The following NTNG1 variants were observed in gnomAD, a reference collection of about 807,000 sequenced individuals.
NTNG1 encodes netrin G1, also known as netrin-G1.
Under a neutral mutation model 54.0 loss-of-function variants are expected in NTNG1, and 16 were observed. The ratio of observed to expected loss-of-function variants is 0.30; its 90% CI spans 0.20 to 0.45. The LOEUF (loss-of-function observed/expected upper bound fraction) is 0.45. NTNG1 is among the 20% of genes least tolerant of loss of function. The pLI is 1.00. For missense variants in NTNG1, 530 were observed against 678.7 expected (o/e 0.78, Z 2.43); for synonymous variants, 255 against 263.1 (o/e 0.97, Z 0.30).
intron 2 of NTNG1, among the ~76,000 whole-genome samples, chr1:107,256,358 G>C (rs1662933621): frequency 6.6e-6 from 1 of 152,184 alleles, no homozygotes; most frequent in Non-Finnish European, 1.5e-5. Flanking sequence ...CATTCATTCA[G>C]TCAGTCCATC....
intron 2 of NTNG1, among the ~76,000 whole-genome samples, chr1:107,236,068 G>GCA (rs762440396): frequency 2.6e-5 from 4 of 151,994 alleles, no homozygotes; most frequent in Non-Finnish European, 4.4e-5. Flanking sequence ...ACACATGTGT[G>GCA]CACACACACA....
chr1:107,333,821 T>C (rs571631668), intron 3 of NTNG1: 13 of 77,334 alleles, frequency 1.7e-4, no homozygotes, highest in Non-Finnish European at 2.3e-4. Context: ...GAGTATCTCT[T>C]TTTTTTTTTT....
At chr1:107,310,981 A>G (rs1166484904) in intron 2 of NTNG1, among the ~76,000 whole-genome samples, 1 of 152,120 alleles carries the variant, frequency 6.6e-6, no homozygotes, top group African/African-American at 2.4e-5. Flanking sequence ...TAATGAATCA[A>G]CCTCGGAACT....
intron 7 of NTNG1, among the ~76,000 whole-genome samples, chr1:107,464,460 A>T (rs1452836375): frequency 2.0e-5 from 3 of 152,180 alleles, no homozygotes; most frequent in Non-Finnish European, 4.4e-5. Flanking sequence ...TAACTCAGAC[A>T]TATATGAAGG....
intron 2 of NTNG1, among the ~76,000 whole-genome samples, chr1:107,312,112 T>C (rs1667053269): frequency 6.6e-6 from 1 of 152,206 alleles, no homozygotes; most frequent in Non-Finnish European, 1.5e-5. Context: ...ATGGCAATAC[T>C]ATATGGCGGG....
intron 3 of NTNG1, among the ~76,000 whole-genome samples, chr1:107,357,654 A>G (rs370707162): frequency 9.2e-5 from 14 of 152,342 alleles, no homozygotes; most frequent in African/African-American, 3.4e-4. Flanking sequence ...AAAGCTAACA[A>G]AGAACAAAGG....
intron 2 of NTNG1, among the ~76,000 whole-genome samples, chr1:107,158,607 G>A (rs1570728963): frequency 6.6e-6 from 1 of 152,218 alleles, no homozygotes; most frequent in Non-Finnish European, 1.5e-5. Context: ...GTGGCATTTT[G>A]TTGCTTTCCT....
At chr1:107,427,032 G>A (rs1219346438) in intron 5 of NTNG1, among the ~76,000 whole-genome samples, 1 of 152,070 alleles carries the variant, frequency 6.6e-6, no homozygotes, top group Admixed American at 6.6e-5. Context: ...CATTGATTTT[G>A]TATCCTGAGA....
chr1:107,265,437 G>A (rs1663671046), intron 2 of NTNG1, among the ~76,000 whole-genome samples: 1 of 152,160 alleles, frequency 6.6e-6, no homozygotes. Context: ...AAGAGAACTT[G>A]CTGAAAGGGA....
At chr1:107,346,870 T>C (rs1669272219) in intron 3 of NTNG1, among the ~76,000 whole-genome samples, 1 of 125,798 alleles carries the variant, frequency 7.9e-6, no homozygotes, top group African/African-American at 3.1e-5. Context: ...TCTGCCATGA[T>C]CTCTTTTCTA....
intron 2 of NTNG1, among the ~76,000 whole-genome samples, chr1:107,283,005 G>A (rs1444421221): frequency 1.3e-5 from 2 of 152,090 alleles, no homozygotes; most frequent in African/African-American, 4.8e-5. Flanking sequence ...GGGTATCAAT[G>A]CCATTCATGA....
chr1:107,360,838 C>T (rs1036474682), intron 3 of NTNG1, among the ~76,000 whole-genome samples: 1 of 152,078 alleles, frequency 6.6e-6, no homozygotes, highest in African/African-American at 2.4e-5. Context: ...CATCTAGTCA[C>T]CAGTCACTGA....
At chr1:107,458,711 T>C (rs1397013121) in intron 7 of NTNG1, among the ~76,000 whole-genome samples, 1 of 152,180 alleles carries the variant, frequency 6.6e-6, no homozygotes. Context: ...TGTAATGTCT[T>C]ACCATTAATT....
chr1:107,175,876 C>T (rs552758658), intron 2 of NTNG1, among the ~76,000 whole-genome samples: 27 of 152,256 alleles, frequency 1.8e-4, no homozygotes, highest in African/African-American at 6.0e-4. Flanking sequence ...AGATTCATAA[C>T]TTTGTCAGTT....
At chr1:107,468,548 T>C (rs576390717) in intron 7 of NTNG1, among the ~76,000 whole-genome samples, 2 of 152,344 alleles carry the variant, frequency 1.3e-5, no homozygotes, top group East Asian at 3.9e-4. Flanking sequence ...CAACATCATT[T>C]CAAAGAACAC....
At chr1:107,210,003 A>G (rs1334582892) in intron 2 of NTNG1, among the ~76,000 whole-genome samples, 1 of 152,132 alleles carries the variant, frequency 6.6e-6, no homozygotes, top group African/African-American at 2.4e-5. Flanking sequence ...TGTTCTCTAA[A>G]GGAGGTGATG....
chr1:107,459,372 T>C (rs1349673146), intron 7 of NTNG1, among the ~76,000 whole-genome samples: 1 of 152,116 alleles, frequency 6.6e-6, no homozygotes, highest in Non-Finnish European at 1.5e-5. Flanking sequence ...AGCCTGAAAA[T>C]AGAATACATA....
intron 2 of NTNG1, among the ~76,000 whole-genome samples, chr1:107,285,917 C>A (rs540430112): frequency 2.0e-5 from 3 of 152,138 alleles, no homozygotes; most frequent in Admixed American, 2.0e-4. Flanking sequence ...GACACTCGCT[C>A]CTCACCGCTA....
intron 2 of NTNG1, among the ~76,000 whole-genome samples, chr1:107,264,052 CAGG>C (rs1257702523): frequency 6.6e-6 from 1 of 152,132 alleles, no homozygotes; most frequent in Non-Finnish European, 1.5e-5. Context: ...CAGTAGATGA[CAGG>C]AGATTAATCT....
Sources: gnomAD v4.1 joint callset for allele counts (sites outside exome capture counted in the v4.1 genomes callset) on GRCh38, gnomAD v4.1.1 for gene constraint, MANE v1.5 for transcripts, NCBI Gene and HGNC (gene_info 2026-07-23, HGNC 2026-07-21) for gene names.